PKP1: variants seen among roughly 807,000 people sequenced by gnomAD.
PKP1 encodes the protein plakophilin 1, also known as plakophilin-1.
Under a neutral mutation model 76.4 loss-of-function variants are expected in PKP1, and 27 were observed. The observed-to-expected ratio is 0.35, with a 90% CI of 0.26 to 0.49. The LOEUF (loss-of-function observed/expected upper bound fraction) is 0.49. Among genes scored for constraint, PKP1 ranks in the 20% least tolerant of loss-of-function variants. The pLI is 0.99. For synonymous variants in PKP1, 404 were observed against 384.2 expected, an observed-to-expected ratio of 1.05 and a Z score of -0.60; for missense variants, 964 against 955.2, an observed-to-expected ratio of 1.01 and a Z score of -0.12.
chr1:201,316,509 T>C, intron 3 of PKP1, 44 bp from the exon 4 acceptor site: 1 of 1,565,854 alleles, frequency 6.4e-7, no homozygotes, highest in Non-Finnish European at 8.7e-7. Context: ...TCAGCAGGGC[T>C]CCCAGCCCAC....
At position 201,323,135 on chromosome 1, in the gene PKP1, T is replaced by C; in HGVS notation, c.1626T>C (p.Ala542=). The C allele has an allele frequency of 2.5e-6, 4 of 1,614,150 alleles. No homozygotes were observed. Among genetic ancestry groups the C allele is most frequent in the Non-Finnish European group, 2.5e-6 (3 of 1,180,030 alleles). ...LNLMGKSKKD[A]TLEACAGALQ... is the part of the protein sequence containing the mutation. The stretch of plus-strand genomic sequence containing the variant: ...TCATGGGCAAGAGCAAGAAAGATGC[T>C]ACCCTGGAGGCCTGTGCTGGTGCCC... Residue 542 remains alanine, a synonymous_variant, in exon 9 of 14, where the codon GCT becomes GCC. Transcript: ENST00000367324.
chr1:201,284,048 C>A (rs971997843), intron 1 of PKP1, 144 bp downstream of exon 1: 52 of 775,714 alleles, frequency 6.7e-5, no homozygotes, highest in Non-Finnish European at 9.4e-5. Context: ...GCACCTAGTG[C>A]GAGCAGCCGA....
intron 1 of PKP1, among the ~76,000 whole-genome samples, chr1:201,288,602 C>A (rs1655807869): frequency 6.6e-6 from 1 of 152,196 alleles, no homozygotes; most frequent in South Asian, 2.1e-4. Flanking sequence ...GGGAGCACCC[C>A]TATACAATGA....
chr1:201,290,155 C>A (rs891671596), intron 1 of PKP1, among the ~76,000 whole-genome samples: 2 of 152,134 alleles, frequency 1.3e-5, no homozygotes, highest in African/African-American at 4.8e-5. Context: ...CACTGGTGAC[C>A]TGAGCGGTAG....
chr1:201,296,889 C>T (rs1656094394), intron 2 of PKP1, among the ~76,000 whole-genome samples: 1 of 152,230 alleles, frequency 6.6e-6, no homozygotes, highest in African/African-American at 2.4e-5. Context: ...GAGCACCTCA[C>T]TCCTCAGATC....
chr1:201,315,175 AC>A (rs1161388391), intron 3 of PKP1, among the ~76,000 whole-genome samples: 1 of 152,204 alleles, frequency 6.6e-6, no homozygotes, highest in Non-Finnish European at 1.5e-5. Context: ...CATTGTCCCA[AC>A]CAGAGGCCCT....
At chr1:201,325,230 A>C in intron 11 of PKP1, 103 bp downstream of exon 11, 13 of 1,236,710 alleles carry the variant, frequency 1.1e-5, no homozygotes, top group Non-Finnish European at 1.5e-5. Context: ...TAGGGGAAGC[A>C]CCAAGGGCAG....
chr1:201,321,979 C>A lies in PKP1; in HGVS notation c.1349C>A (p.Ser450Tyr). The change falls in exon 8 of 14, where the codon TCT becomes TAT. Residue 450 changes from serine to tyrosine, a missense_variant and splice_region_variant. Physicochemically the swap from Ser to Tyr is moderately radical, Grantham distance 144. Transcript: ENST00000367324. Reference sequence around the variant, plus strand: ...CCCATGCCTCTCCTTGGTCCCCAGTCTGTGGAAAACTGCATGTGTGTTCTG... The same window carrying A: ...CCCATGCCTCTCCTTGGTCCCCAGTATGTGGAAAACTGCATGTGTGTTCTG... ...CVAASRCDDKSVENCMCVLHN... is the reference protein window; with the variant it reads ...CVAASRCDDKYVENCMCVLHN... 1 of 1,614,106 alleles carries A rather than the reference C, an allele frequency of 6.2e-7. No homozygotes were observed. The highest frequency in any genetic ancestry group is 8.5e-7 in the Non-Finnish European group (1 of 1,180,026).
In PKP1 at chr1:201,293,953, G is replaced by A; in HGVS notation, c.214G>A (p.Asp72Asn). Residue 72 changes from aspartate to asparagine, a missense_variant, in exon 2 of 14, where the codon GAT becomes AAT. Transcript: ENST00000367324. The part of the protein sequence containing the change: ...LSHSNRGSMY[D>N]GLADNYNYGT... ...CCTTTCTCCTCTAGGTTCCATGTAT[G>A]ATGGCTTGGCTGACAATTACAACTA... 2 of 1,612,568 alleles carry A rather than the reference G, an allele frequency of 1.2e-6. No individual in the cohort carries two copies. Among genetic ancestry groups the A allele is most frequent in the Non-Finnish European group, 8.5e-7 (1 of 1,178,896 alleles).
At chr1:201,304,990 G>A (rs1656333531) in intron 2 of PKP1, among the ~76,000 whole-genome samples, 1 of 152,238 alleles carries the variant, frequency 6.6e-6, no homozygotes, top group Admixed American at 6.5e-5. Flanking sequence ...ACACTGGGAA[G>A]TGCCACACCA....
chr1:201,324,738 C>T (rs1657057594), intron 10 of PKP1, among the ~76,000 whole-genome samples, 157 bp downstream of exon 10: 1 of 152,178 alleles, frequency 6.6e-6, no homozygotes, highest in Admixed American at 6.5e-5. Flanking sequence ...AGAAGGGAGC[C>T]TGTCACCTGA....
At chr1:201,292,567 C>G (rs1356715101) in intron 1 of PKP1, among the ~76,000 whole-genome samples, 1 of 152,094 alleles carries the variant, frequency 6.6e-6, no homozygotes, top group Non-Finnish European at 1.5e-5. Flanking sequence ...CAAAGCTGCC[C>G]CTTGGCTATT....
At chr1:201,295,073 G>A (rs1656034518) in intron 2 of PKP1, among the ~76,000 whole-genome samples, 1 of 152,116 alleles carries the variant, frequency 6.6e-6, no homozygotes, top group South Asian at 2.1e-4. Flanking sequence ...CTGCTTCTCT[G>A]TGGGAATCTG....
At chr1:201,300,905 G>T (rs564390490) in intron 2 of PKP1, among the ~76,000 whole-genome samples, 2 of 152,146 alleles carry the variant, frequency 1.3e-5, no homozygotes, top group Non-Finnish European at 2.9e-5. Context: ...CAGGATGGAG[G>T]GCAGAGCAGG....
chr1:201,320,659 A>G (rs548473163), intron 7 of PKP1, among the ~76,000 whole-genome samples: 33 of 152,370 alleles, frequency 2.2e-4, no homozygotes, highest in Admixed American at 7.2e-4. Context: ...GGAAAGGGTC[A>G]TAATCATATC....
intron 13 of PKP1, 122 bp downstream of exon 13, chr1:201,328,990 G>A (rs1657231881): frequency 1.4e-6 from 1 of 738,532 alleles, no homozygotes; most frequent in Non-Finnish European, 2.5e-6. Context: ...GCCTGGCTCT[G>A]GACAACACAA....
intron 2 of PKP1, among the ~76,000 whole-genome samples, chr1:201,298,659 C>A (rs1289198859): frequency 1.3e-5 from 2 of 152,212 alleles, no homozygotes; most frequent in Non-Finnish European, 2.9e-5. Context: ...AGAGTGAGAA[C>A]TCCCAGAATA....
chr1:201,316,413 G>A, intron 3 of PKP1, 140 bp from the exon 4 acceptor site: 1 of 792,768 alleles, frequency 1.3e-6, no homozygotes, highest in Non-Finnish European at 2.0e-6. Flanking sequence ...TATTCTCCAA[G>A]TGGGCCTGGG....
chr1:201,283,779 C>A lies in PKP1; in HGVS notation c.77C>A (p.Pro26Gln), dbSNP rs377481646. The A allele has an allele frequency of 6.2e-7, 1 of 1,614,056 alleles. No homozygotes were observed. The highest frequency in any genetic ancestry group is 1.1e-5 in the South Asian group (1 of 91,082). The stretch of plus-strand genomic sequence containing the variant: ...CAGGACAACTCCACGTTGGCTTTGC[C>A]GTCGGACCAAAAGATGAAAACAGGC... ...QDQDNSTLAL[P>Q]SDQKMKTGTS... The change falls in exon 1 of 14, where the codon CCG (proline) becomes CAG (glutamine). Residue 26 changes from proline to glutamine, a missense_variant. Physicochemically the swap from Pro to Gln is moderately conservative, Grantham distance 76. Transcript: ENST00000367324.
Sources: gnomAD v4.1 joint callset for allele counts (sites outside exome capture counted in the v4.1 genomes callset) on GRCh38, gnomAD v4.1.1 for gene constraint, MANE v1.5 for transcripts, NCBI Gene and HGNC (gene_info 2026-07-23, HGNC 2026-07-21) for gene names.